Variants in SLC12A9 observed in about 807,000 individuals in gnomAD.
SLC12A9 encodes CCC-interacting protein 1.
In SLC12A9, 55 loss-of-function variants were observed where a neutral mutation model predicts 66.0. That is an observed-to-expected ratio of 0.83 (90% CI 0.67 to 1.04). SLC12A9 has a LOEUF of 1.04. Ranked by LOEUF, SLC12A9 falls within the 50% of genes least tolerant of loss-of-function variation. The probability of loss-of-function intolerance (pLI) is 0.00; values close to 1 mark genes in which losing one functional copy is unlikely to be tolerated. For missense variants in SLC12A9, 1,061 were observed against 1,241.9 expected (o/e 0.85, Z 2.19); for synonymous variants, 577 against 569.0 (o/e 1.01, Z -0.20).
intron 1 of SLC12A9, among the ~76,000 whole-genome samples, chr7:100,838,723 A>G (rs980728187): frequency 5.3e-5 from 8 of 152,176 alleles, no homozygotes; most frequent in African/African-American, 1.9e-4. Flanking sequence ...TACCTTTCAT[A>G]TTGTCTTATG....
intron 1 of SLC12A9, among the ~76,000 whole-genome samples, chr7:100,840,651 AAGAC>A (rs541660285): frequency 8.5e-4 from 130 of 152,106 alleles, no homozygotes; most frequent in Non-Finnish European, 1.6e-3. Flanking sequence ...GAGAGAGAGA[AAGAC>A]AGAGAGAAAG....
chr7:100,842,878 T>C (rs1813815655), intron 1 of SLC12A9, among the ~76,000 whole-genome samples: 1 of 152,230 alleles, frequency 6.6e-6, no homozygotes, highest in Admixed American at 6.5e-5. Flanking sequence ...TAATAAGTCA[T>C]GCCAAGCTCT....
intron 1 of SLC12A9, among the ~76,000 whole-genome samples, chr7:100,843,014 G>C (rs1813819107): frequency 6.6e-6 from 1 of 152,264 alleles, no homozygotes; most frequent in Non-Finnish European, 1.5e-5. Context: ...ATTCCTTGGA[G>C]ACCTGAAGGG....
chr7:100,856,516 T>G, intron 4 of SLC12A9: 1 of 147,182 alleles, frequency 6.8e-6, no homozygotes, highest in Admixed American at 7.0e-5. Context: ...CCCCTTCTTC[T>G]TTTTTTTTTT....
chr7:100,826,992 G>A lies in SLC12A9; in HGVS notation n.173G>A, dbSNP rs750755505. On this transcript the variant is annotated non_coding_transcript_exon_variant, in exon 1 of 2. Transcript: ENST00000461016. ...AAGGAAACTCACCTTCCAAAGCTGC[G>A]GCCAACGAAGCCCAGCAGAGCAGCA... 1.0e-5 allele frequency: 16 copies of A among 1,571,656 alleles called. No homozygotes were observed. The highest frequency in any genetic ancestry group is 2.7e-5 in the African/African-American group (2 of 73,502).
chr7:100,865,563 T>A (rs1367703013), intron 13 of SLC12A9, 156 bp from the exon 14 acceptor site: 5 of 1,583,970 alleles, frequency 3.2e-6, no homozygotes, highest in Non-Finnish European at 3.4e-6. Context: ...AAAGTCTTTA[T>A]GCAAATATGC....
At chr7:100,862,549 TGCC>T in intron 12 of SLC12A9, 129 bp from the exon 13 acceptor site, 1 of 1,082,440 alleles carries the variant, frequency 9.2e-7, no homozygotes, top group Non-Finnish European at 1.3e-6. Context: ...CCAGCCCCTC[TGCC>T]CCTTTTATCC....
At chr7:100,854,910 T>C (rs773877867) in intron 3 of SLC12A9, among the ~76,000 whole-genome samples, 156 bp downstream of exon 3, 2 of 152,066 alleles carry the variant, frequency 1.3e-5, no homozygotes, top group Non-Finnish European at 2.9e-5. Context: ...ACATCTGTAA[T>C]CCCAGCACTT....
At chr7:100,847,462 G>A (rs1813943010) in intron 1 of SLC12A9, among the ~76,000 whole-genome samples, 2 of 152,200 alleles carry the variant, frequency 1.3e-5, no homozygotes, top group Admixed American at 6.5e-5. Flanking sequence ...GGGAATGGAT[G>A]TTTACCTAAA....
chr7:100,826,911 G>A (rs1813414779), exon 1 of SLC12A9: 2 of 1,517,926 alleles, frequency 1.3e-6, no homozygotes, highest in Admixed American at 2.0e-5. Flanking sequence ...CCTCCACTCC[G>A]AGGCCCAGAT....
intron 1 of SLC12A9, among the ~76,000 whole-genome samples, 174 bp downstream of exon 1, chr7:100,853,009 T>A (rs1419259849): frequency 7.5e-6 from 1 of 133,322 alleles, no homozygotes; most frequent in Non-Finnish European, 1.7e-5. Flanking sequence ...TGTGTTTCTG[T>A]TTCGCTAGGG....
chr7:100,855,108 G>A (rs181973462), intron 3 of SLC12A9, among the ~76,000 whole-genome samples: 457 of 152,266 alleles, frequency 3.0e-3, no homozygotes, highest in African/African-American at 0.01. Flanking sequence ...AGGTTGCAGC[G>A]TGCCAAGATC....
intron 13 of SLC12A9, among the ~76,000 whole-genome samples, chr7:100,864,235 T>G (rs1230140332): frequency 6.6e-6 from 1 of 151,984 alleles, no homozygotes; most frequent in African/African-American, 2.4e-5. Context: ...ACGCCAGCAT[T>G]GTCCGGCTAA....
chr7:100,848,755 G>A (rs1041589897), upstream of SLC12A9, among the ~76,000 whole-genome samples: 5 of 151,686 alleles, frequency 3.3e-5, no homozygotes, highest in African/African-American at 4.8e-5. Flanking sequence ...GCGTGGTGGC[G>A]GGAGCCTGTA....
chr7:100,844,834 A>G (rs535984703), intron 1 of SLC12A9, among the ~76,000 whole-genome samples: 6 of 152,344 alleles, frequency 3.9e-5, no homozygotes, highest in Admixed American at 2.6e-4. Flanking sequence ...CTCCTGAGCC[A>G]GTATTTCAAA....
chr7:100,860,025 C>T lies in SLC12A9; in HGVS notation c.1118C>T (p.Ala373Val). ...GCCTCCCGCATCCTCCATGCCCTGG[C>T]CCGGGATGACCTCTTTGGTGGGTTC... ...IGASRILHAL[A>V]RDDLFGVILA... is the part of the protein sequence containing the mutation. The change falls in exon 8 of 14, where the codon GCC (alanine) becomes GTC (valine). Residue 373 changes from alanine to valine, a missense_variant. Coordinates refer to ENST00000354161, the MANE Select transcript of SLC12A9 (RefSeq NM_020246.4). 1 of 1,614,052 alleles carries T rather than the reference C, an allele frequency of 6.2e-7. No individual in the cohort carries two copies. The highest frequency in any genetic ancestry group is 8.5e-7 in the Non-Finnish European group (1 of 1,179,950).
chr7:100,861,299 G>T lies in SLC12A9; in HGVS notation c.1343+37G>T. 6.2e-7 allele frequency: 1 copy of T among 1,613,626 alleles called. No homozygotes were observed. Among genetic ancestry groups the T allele is most frequent in the Non-Finnish European group, 8.5e-7 (1 of 1,179,604 alleles). ...AGATCTGTGTCCCCAGAGAGAAGAA[G>T]GGAGGACTCGGGCTCAGGCGTGGGG... On this transcript the variant is annotated intron_variant, in intron 10 of 13. Transcript: ENST00000354161. This position sits in a 1 kb window ranked among gnomAD's most constrained non-coding sequence, Gnocchi z 5.3.
At chr7:100,854,775 A>G in intron 3 of SLC12A9, 21 bp downstream of exon 3, 1 of 1,613,450 alleles carries the variant, frequency 6.2e-7, no homozygotes, top group Non-Finnish European at 8.5e-7. Context: ...ACATCGATGG[A>G]CTGGGGTCTG....
intron 1 of SLC12A9, among the ~76,000 whole-genome samples, chr7:100,844,385 AC>A: frequency 6.6e-6 from 1 of 152,156 alleles, no homozygotes. Flanking sequence ...GGGCTCACAA[AC>A]GATATGAGTA....
Sources: gnomAD v4.1 joint callset for allele counts (sites outside exome capture counted in the v4.1 genomes callset) on GRCh38, gnomAD v4.1.1 for gene constraint, Gnocchi (gnomAD v3.1) non-coding constraint, MANE v1.5 for transcripts, NCBI Gene and HGNC (gene_info 2026-07-23, HGNC 2026-07-21) for gene names.